The following CENPU variants were observed in gnomAD, a reference collection of about 807,000 sequenced individuals.
CENPU encodes KSHV latent nuclear antigen interacting protein 1.
In CENPU, 46 loss-of-function variants were observed where a neutral mutation model predicts 56.7. That is an observed-to-expected ratio of 0.81 (90% CI 0.64 to 1.04). CENPU has a LOEUF of 1.04. CENPU is among the 50% of genes least tolerant of loss of function. The pLI, the probability that CENPU is intolerant of heterozygous loss-of-function variation, is 0.00. For synonymous variants in CENPU, 166 were observed against 163.0 expected (o/e 1.02, Z -0.14); for missense variants, 510 against 490.1 (o/e 1.04, Z -0.38).
At chr4:184,731,025 C>A (rs1487698708) in intron 1 of CENPU, 57 bp from the exon 2 acceptor site, 16 of 1,272,730 alleles carry the variant, frequency 1.3e-5, no homozygotes, top group Non-Finnish European at 1.8e-5. Flanking sequence ...ACTGAGGAAA[C>A]ACCATAGTTA....
chr4:184,694,444 A>C lies in CENPU; in HGVS notation c.*844T>G. The C allele has an allele frequency of 6.6e-7, 1 of 1,508,268 alleles. No homozygotes were observed. Among genetic ancestry groups the C allele is most frequent in the Middle Eastern group, 1.8e-4 (1 of 5,640 alleles). 93.4% of individuals were successfully genotyped at this position (1,508,268 alleles called of 1,614,324 possible). On this transcript the variant is annotated 3_prime_UTR_variant, in exon 13 of 13. Coordinates refer to ENST00000281453, the MANE Select transcript of CENPU (RefSeq NM_024629.4). ...GTCACTTAATACCTTACTTCAACAT[A>C]GAGTATAAGGTTAAATCACATATCC...
At chr4:184,699,960 C>A (rs1046788931) in intron 11 of CENPU, among the ~76,000 whole-genome samples, 1 of 152,192 alleles carries the variant, frequency 6.6e-6, no homozygotes. Context: ...CCCGGCCTAG[C>A]AGCCTCTTTT....
intron 5 of CENPU, among the ~76,000 whole-genome samples, chr4:184,716,878 T>C (rs537198964): frequency 6.6e-6 from 1 of 152,188 alleles, no homozygotes; most frequent in African/African-American, 2.4e-5. Context: ...AGTACAAGAA[T>C]GCTATGAAAA....
chr4:184,730,882 CAATTTTGAG>C, intron 2 of CENPU, 29 bp downstream of exon 2: 1 of 1,528,378 alleles, frequency 6.5e-7, no homozygotes, highest in Non-Finnish European at 8.8e-7. Context: ...TTTGTACTGT[CAATTTTGAG>C]AAAACCACAA....
chr4:184,722,008 G>A (rs181515796), intron 4 of CENPU, among the ~76,000 whole-genome samples: 1 of 152,240 alleles, frequency 6.6e-6, no homozygotes, highest in African/African-American at 2.4e-5. Flanking sequence ...CACAAAACAA[G>A]TCTTAAAACA....
chr4:184,724,118 C>T (rs59307711), intron 4 of CENPU, among the ~76,000 whole-genome samples: 27,044 of 151,206 alleles, frequency 0.18, 2,710 homozygotes, highest in African/African-American at 0.26. Flanking sequence ...CAAAAAAAAT[C>T]AGCTGGGCAT....
At chr4:184,712,751 CT>C (rs1760966557) in intron 7 of CENPU, among the ~76,000 whole-genome samples, 192 bp downstream of exon 7, 1 of 151,702 alleles carries the variant, frequency 6.6e-6, no homozygotes. Flanking sequence ...TTTTTTTCAC[CT>C]TAGTTGCATG....
intron 3 of CENPU, 79 bp from the exon 4 acceptor site, chr4:184,725,141 G>C (rs1343603413): frequency 2.6e-6 from 2 of 771,706 alleles, no homozygotes; most frequent in African/African-American, 3.5e-5. Flanking sequence ...CCTTACAATG[G>C]AGTACAAAAC....
chr4:184,712,822 AATTTTT>A, intron 7 of CENPU, 116 bp downstream of exon 7: 1 of 682,766 alleles, frequency 1.5e-6, no homozygotes, highest in Non-Finnish European at 2.5e-6. Context: ...ACATATTCCT[AATTTTT>A]AAAAGTGGCA....
chr4:184,697,333 A>C (rs1316063003), intron 12 of CENPU, among the ~76,000 whole-genome samples: 1 of 150,696 alleles, frequency 6.6e-6, no homozygotes, highest in African/African-American at 2.4e-5. Flanking sequence ...TGAAAACTGT[A>C]ATACAGCAGA....
intron 8 of CENPU, among the ~76,000 whole-genome samples, chr4:184,702,806 A>G (rs1760582231): frequency 6.6e-6 from 1 of 152,126 alleles, no homozygotes; most frequent in African/African-American, 2.4e-5. Context: ...TCCCACTTAT[A>G]AGTAAGAACA....
intron 3 of CENPU, among the ~76,000 whole-genome samples, chr4:184,727,325 G>C (rs1761491170): frequency 6.6e-6 from 1 of 152,154 alleles, no homozygotes; most frequent in South Asian, 2.1e-4. Flanking sequence ...TTTCAGTTAG[G>C]AAAGATGAAA....
Position 184,695,022 on chromosome 4 carries a change from T to C in CENPU, c.*266A>G, listed in dbSNP as rs978798727. 4 of 541,322 alleles carry C rather than the reference T, an allele frequency of 7.4e-6. No homozygotes were observed. Among genetic ancestry groups the C allele is most frequent in the South Asian group, 2.5e-5 (1 of 40,580 alleles). The allele number at this position is 541,322 out of a possible 1,614,324, so 33.5% of individuals were successfully genotyped here. A position where few individuals can be genotyped will look rare whatever the true frequency, so the allele number is the denominator to read the frequency against. On this transcript the variant is annotated 3_prime_UTR_variant, in exon 13 of 13. Coordinates refer to ENST00000281453, the MANE Select transcript of CENPU (RefSeq NM_024629.4). Reference sequence around the variant, plus strand: ...TCAACTTAATTTTACAAGTTTATTATAGCTCATACCTGGGACCGATTAAGG... The same window carrying C: ...TCAACTTAATTTTACAAGTTTATTACAGCTCATACCTGGGACCGATTAAGG...
intron 4 of CENPU, among the ~76,000 whole-genome samples, chr4:184,719,765 G>A (rs143901278): frequency 2.0e-5 from 3 of 152,212 alleles, no homozygotes; most frequent in Non-Finnish European, 4.4e-5. Context: ...GGAGAGGGAA[G>A]AGTGGAGAGG....
At chr4:184,722,378 TATAA>T (rs1304473167) in intron 4 of CENPU, among the ~76,000 whole-genome samples, 24 of 152,274 alleles carry the variant, frequency 1.6e-4, no homozygotes, top group African/African-American at 5.3e-4. Context: ...GATCAGCTTT[TATAA>T]ATAAATGTAT....
At chr4:184,709,271 G>A (rs1015103179) in intron 8 of CENPU, among the ~76,000 whole-genome samples, 5 of 152,068 alleles carry the variant, frequency 3.3e-5, no homozygotes, top group South Asian at 2.1e-4. Context: ...GGCAGATCAC[G>A]AGATCAGGAG....
rs1432217534 is a variant in CENPU, at chr4:184,697,665, T to C, written c.1125A>G (p.Glu375=). The C allele has an allele frequency of 6.2e-7, 1 of 1,612,930 alleles. No individual in the cohort carries two copies. Among genetic ancestry groups the C allele is most frequent in the East Asian group, 2.2e-5 (1 of 44,860 alleles). The part of the protein sequence containing the change: ...YQDYSDVQAQ[E]PNVKETYDSS... Reference sequence around the variant, plus strand: ...GAGTTACCGTTTCCTTTACGTTTGGTTCTTGAGCTTGAACATCTGAATAAT... The same window carrying C: ...GAGTTACCGTTTCCTTTACGTTTGGCTCTTGAGCTTGAACATCTGAATAAT... The change falls in exon 12 of 13, where the codon GAA becomes GAG. Residue 375 remains glutamate (E), a synonymous_variant. Coordinates refer to ENST00000281453, the MANE Select transcript of CENPU (RefSeq NM_024629.4).
Position 184,725,043 on chromosome 4 carries a change from T to C in CENPU, c.234A>G (p.Thr78=). 4 of 1,608,774 alleles carry C rather than the reference T, an allele frequency of 2.5e-6. No homozygotes were observed. The highest frequency in any genetic ancestry group is 3.4e-6 in the Non-Finnish European group (4 of 1,177,256). The change falls in exon 4 of 13, where the codon ACA becomes ACG. Residue 78 remains threonine (T), a synonymous_variant. Coordinates refer to ENST00000281453, the MANE Select transcript of CENPU (RefSeq NM_024629.4). The part of the protein sequence containing the change: ...YETFDPPLHS[T]AIYADEEEFS... ...ATTCTTCTTCATCAGCATATATAGC[T>C]GTGCTATGTAAAGGAGGATCTTTCA... is the stretch of plus-strand genomic sequence containing the variant.
At chr4:184,699,666 C>CT in intron 11 of CENPU, 1 of 1,227,118 alleles carries the variant, frequency 8.1e-7, no homozygotes, top group South Asian at 1.3e-5. Flanking sequence ...GTGGCAGTCT[C>CT]TCTTTTTTTT....
Sources: allele counts gnomAD v4.1 joint callset (sites outside exome capture counted in the v4.1 genomes callset), GRCh38; gene constraint gnomAD v4.1.1; transcripts MANE v1.5; gene names NCBI Gene and HGNC (gene_info 2026-07-23, HGNC 2026-07-21).